NRXN3: variants seen among roughly 807,000 people sequenced by gnomAD.
The protein encoded by NRXN3 is neurexin 3.
Under a neutral mutation model 137.6 loss-of-function variants are expected in NRXN3, and 32 were observed. That is an observed-to-expected ratio of 0.23 (90% confidence interval 0.18 to 0.31). The LOEUF (loss-of-function observed/expected upper bound fraction) is 0.31, where lower values mean the gene tolerates loss of function less well. Ranked by LOEUF, NRXN3 falls within the 10% of genes least tolerant of loss-of-function variation. The pLI, the probability that NRXN3 is intolerant of heterozygous loss-of-function variation, is 1.00. For missense variants in NRXN3, 1,574 were observed against 2,062.5 expected (o/e 0.76, Z 4.59); for synonymous variants, 798 against 784.5 (o/e 1.02, Z -0.29).
At chr14:79,677,762 A>C (rs1341906506) in intron 17 of NRXN3, among the ~76,000 whole-genome samples, 2 of 152,164 alleles carry the variant, frequency 1.3e-5, no homozygotes, top group Non-Finnish European at 2.9e-5. Context: ...CTTTGCCAAC[A>C]CATTAACTGA....
chr14:79,439,626 A>C (rs2095899693), intron 15 of NRXN3, among the ~76,000 whole-genome samples: 1 of 152,234 alleles, frequency 6.6e-6, no homozygotes, highest in Non-Finnish European at 1.5e-5. Context: ...AAAGAAAATA[A>C]AATAAATATT....
At chr14:79,704,087 G>A (rs192873925) in intron 19 of NRXN3, among the ~76,000 whole-genome samples, 2 of 152,078 alleles carry the variant, frequency 1.3e-5, no homozygotes, top group African/African-American at 4.8e-5. Flanking sequence ...AGATTGCTAC[G>A]GCAGGCTCTT....
chr14:79,406,496 GT>G (rs2095315616), intron 15 of NRXN3, among the ~76,000 whole-genome samples: 1 of 151,780 alleles, frequency 6.6e-6, no homozygotes, highest in South Asian at 2.1e-4. Flanking sequence ...TAGAGATGGG[GT>G]TTCACCATGT....
At chr14:78,703,008 G>T (rs1351275575) in intron 6 of NRXN3, among the ~76,000 whole-genome samples, 1 of 152,174 alleles carries the variant, frequency 6.6e-6, no homozygotes, top group East Asian at 1.9e-4. Flanking sequence ...AACACAGTTG[G>T]TAAGGTGTCC....
At chr14:78,654,982 T>C (rs2097773979) in intron 6 of NRXN3, among the ~76,000 whole-genome samples, 1 of 152,132 alleles carries the variant, frequency 6.6e-6, no homozygotes, top group African/African-American at 2.4e-5. Flanking sequence ...CTATCAGATA[T>C]GAGAAAAAGA....
At chr14:78,860,416 T>C (rs1471667315) in intron 10 of NRXN3, among the ~76,000 whole-genome samples, 2 of 152,092 alleles carry the variant, frequency 1.3e-5, no homozygotes, top group Admixed American at 1.3e-4. Flanking sequence ...AGGAAAAACT[T>C]ACCTGTCTTG....
intron 6 of NRXN3, among the ~76,000 whole-genome samples, chr14:78,671,191 C>T (rs2097930850): frequency 6.6e-6 from 1 of 152,120 alleles, no homozygotes; most frequent in Admixed American, 6.6e-5. Context: ...GCATAGTCAG[C>T]AGAGGTCAGT....
In NRXN3 at chr14:79,861,886, G is replaced by T. The variant is rs1417043829; in HGVS notation, c.4638G>T (p.Thr1546=). The stretch of plus-strand genomic sequence containing the variant: ...GCAACTCCGCCCAGAGCAACGGCAC[G>T]CTCATGAAGGAGAAGCAGCAGAGCT... ...YISNSAQSNG[T]LMKEKQQSSK... The change falls in exon 21 of 21, where the codon ACG becomes ACT. Residue 1546 remains threonine (T), a synonymous_variant. Transcript: ENST00000335750. The surrounding 1 kb of genome is among the most constrained non-coding windows in gnomAD (Gnocchi z 5.4). 1 of 1,613,908 alleles carries T rather than the reference G, an allele frequency of 6.2e-7. No homozygotes were observed. Among genetic ancestry groups the T allele is most frequent in the South Asian group, 1.1e-5 (1 of 91,076 alleles).
At chr14:78,292,743 G>C (rs1164868239) in intron 3 of NRXN3, among the ~76,000 whole-genome samples, 1 of 152,224 alleles carries the variant, frequency 6.6e-6, no homozygotes, top group Non-Finnish European at 1.5e-5. Flanking sequence ...TGGTGAGACT[G>C]TTTTGGAAAG....
chr14:79,799,394 G>A (rs2099170171), intron 19 of NRXN3, among the ~76,000 whole-genome samples: 1 of 152,178 alleles, frequency 6.6e-6, no homozygotes, highest in East Asian at 1.9e-4. Flanking sequence ...CATGCACTAT[G>A]TTCTATAAAC....
intron 1 of NRXN3, among the ~76,000 whole-genome samples, chr14:78,182,512 C>T (rs752586969): frequency 7.9e-5 from 12 of 152,332 alleles, no homozygotes; most frequent in South Asian, 2.1e-4. Context: ...TCCTGTTGCC[C>T]AGGCTGGAAT....
chr14:78,223,154 G>C (rs914990208), intron 1 of NRXN3, among the ~76,000 whole-genome samples: 5 of 152,190 alleles, frequency 3.3e-5, no homozygotes, highest in Non-Finnish European at 1.5e-5. Flanking sequence ...GCAGAGTCAC[G>C]TGAAAATGTT....
chr14:78,427,305 A>T (rs967654992), intron 4 of NRXN3, among the ~76,000 whole-genome samples: 7 of 152,190 alleles, frequency 4.6e-5, no homozygotes, highest in Non-Finnish European at 1.5e-5. Flanking sequence ...TGATAAAAGT[A>T]CCTATTCCAA....
At chr14:78,406,109 G>A (rs890158873) in intron 4 of NRXN3, among the ~76,000 whole-genome samples, 2 of 152,210 alleles carry the variant, frequency 1.3e-5, no homozygotes, top group Non-Finnish European at 2.9e-5. Flanking sequence ...TGCATGCTAA[G>A]GGCTAGGAAG....
intron 15 of NRXN3, among the ~76,000 whole-genome samples, chr14:79,241,320 T>C (rs2074252285): frequency 6.6e-6 from 1 of 152,148 alleles, no homozygotes; most frequent in South Asian, 2.1e-4. Context: ...TCTGTTCTCA[T>C]GCTGCTAAAA....
At position 78,775,370 on chromosome 14, in the gene NRXN3, G is replaced by A. The variant is rs143459018; in HGVS notation, c.2045-28250G>A. The stretch of plus-strand genomic sequence containing the variant: ...TTAGTATCATGGTTAAGAGCAACTT[G>A]TCTAACCTGTGGCCCATAGGGCACA... On this transcript the variant is annotated intron_variant, in intron 8 of 20. Coordinates refer to ENST00000335750, the MANE Select transcript of NRXN3 (RefSeq NM_001330195.2). 2.4e-3 allele frequency among the ~76,000 whole-genome samples: 365 copies of A among 152,294 alleles called. 4 individuals carry two copies. Among genetic ancestry groups the A allele is most frequent in the African/African-American group, 8.5e-3 (354 of 41,558 alleles).
At chr14:78,807,007 C>G (rs536075676) in intron 9 of NRXN3, among the ~76,000 whole-genome samples, 72 of 152,294 alleles carry the variant, frequency 4.7e-4, no homozygotes, top group Non-Finnish European at 9.3e-4. Context: ...AGAGCTGGAA[C>G]TAGAACCCAT....
intron 20 of NRXN3, among the ~76,000 whole-genome samples, chr14:79,858,909 C>T (rs1181915776): frequency 6.8e-6 from 1 of 147,336 alleles, no homozygotes; most frequent in African/African-American, 2.5e-5. Flanking sequence ...TTTGTAAAAA[C>T]TAGCAAAAGT....
At chr14:79,730,025 T>C (rs1291935745) in intron 19 of NRXN3, among the ~76,000 whole-genome samples, 1 of 152,014 alleles carries the variant, frequency 6.6e-6, no homozygotes, top group Non-Finnish European at 1.5e-5. Flanking sequence ...ATCATGCTTC[T>C]CAGAAAGAAA....
Sources: gnomAD v4.1 joint callset for allele counts (sites outside exome capture counted in the v4.1 genomes callset) on GRCh38, gnomAD v4.1.1 for gene constraint, Gnocchi (gnomAD v3.1) non-coding constraint, MANE v1.5 for transcripts, NCBI Gene and HGNC (gene_info 2026-07-23, HGNC 2026-07-21) for gene names.